Variants in INPP4B observed in about 807,000 individuals in gnomAD.
INPP4B encodes the protein inositol polyphosphate-4-phosphatase type II B, also known as inositol polyphosphate 4-phosphatase type II.
Under a neutral mutation model 122.5 loss-of-function variants are expected in INPP4B, and 55 were observed. The ratio of observed to expected loss-of-function variants is 0.45; its 90% CI spans 0.36 to 0.56. INPP4B has a LOEUF of 0.56. Ranked by LOEUF, INPP4B falls within the 20% of genes least tolerant of loss-of-function variation. The pLI is 0.00. For synonymous variants in INPP4B, 403 were observed against 388.7 expected (o/e 1.04, Z -0.43); for missense variants, 1,000 against 1,097.7 (o/e 0.91, Z 1.26).
At position 142,486,248 on chromosome 4, in the gene INPP4B, A is replaced by G. The variant is rs1351200920; in HGVS notation, c.-190-23522T>C. Among the ~76,000 whole-genome samples the G allele has an allele frequency of 4.6e-5, 7 of 152,302 alleles. No homozygotes were observed. In the South Asian group the frequency reaches 1.5e-3, roughly 32 times the overall value. ...AAGTGGTGTACCATTTTCTACTCCC[A>G]CTAGCAAAGTATAAGAATTCCATTT... On this transcript the variant is annotated intron_variant, in intron 2 of 25. Coordinates refer to ENST00000262992, the MANE Select transcript of INPP4B (RefSeq NM_001101669.3).
At chr4:142,220,724 G>T (rs1449859228) in intron 12 of INPP4B, among the ~76,000 whole-genome samples, 2 of 152,102 alleles carry the variant, frequency 1.3e-5, no homozygotes, top group African/African-American at 4.8e-5. Flanking sequence ...TATTTTCACA[G>T]AGTTCTAGGG....
chr4:142,643,747 T>G (rs1024823394), intron 2 of INPP4B, among the ~76,000 whole-genome samples: 2 of 152,006 alleles, frequency 1.3e-5, no homozygotes, highest in African/African-American at 2.4e-5. Context: ...TGGGCAGAGG[T>G]TTAAGTGAGG....
intron 2 of INPP4B, among the ~76,000 whole-genome samples, chr4:142,602,533 C>T (rs1164012546): frequency 6.6e-6 from 1 of 151,780 alleles, no homozygotes; most frequent in East Asian, 1.9e-4. Context: ...ACAAACAACC[C>T]CATTAAAAAG....
In INPP4B at chr4:142,719,020, A is replaced by G. The variant is rs542571024; in HGVS notation, c.-191+6819T>C. On this transcript the variant is annotated intron_variant, in intron 2 of 25. Transcript: ENST00000262992. ...TTACATTAATATTTTCCTTGGTACAATGTGCTTCAGGAAAGCAAATGTTTT... is the reference window on the plus strand; with the variant it reads ...TTACATTAATATTTTCCTTGGTACAGTGTGCTTCAGGAAAGCAAATGTTTT... Among the ~76,000 whole-genome samples the G allele has an allele frequency of 1.5e-4, 23 of 152,344 alleles. No homozygotes were observed. The East Asian group carries it at 4.1e-3, about 27-fold the overall frequency.
At chr4:142,177,746 C>G (rs1828991747) in intron 15 of INPP4B, among the ~76,000 whole-genome samples, 1 of 152,014 alleles carries the variant, frequency 6.6e-6, no homozygotes, top group Admixed American at 6.6e-5. Context: ...TTGTTACTAT[C>G]CATGTCATAT....
intron 23 of INPP4B, among the ~76,000 whole-genome samples, chr4:142,090,929 AG>A (rs1217678019): frequency 6.6e-6 from 1 of 152,190 alleles, no homozygotes; most frequent in Non-Finnish European, 1.5e-5. Flanking sequence ...TGAGCAAAAA[AG>A]CACAAATTAT....
intron 1 of INPP4B, among the ~76,000 whole-genome samples, chr4:142,797,262 T>G (rs547828363): frequency 9.2e-5 from 14 of 152,066 alleles, no homozygotes; most frequent in African/African-American, 3.4e-4. Flanking sequence ...TGAGCCAAAA[T>G]AGGCACCCAG....
At chr4:142,520,169 A>C (rs970573577) in intron 2 of INPP4B, among the ~76,000 whole-genome samples, 7 of 152,056 alleles carry the variant, frequency 4.6e-5, no homozygotes, top group Non-Finnish European at 1.0e-4. Flanking sequence ...CATGAATTAC[A>C]GCAAAATAAA....
At chr4:142,581,554 TATCTATTA>T (rs1735084188) in intron 2 of INPP4B, among the ~76,000 whole-genome samples, 1 of 17,396 alleles carries the variant, frequency 5.7e-5, no homozygotes, top group African/African-American at 1.4e-4. Flanking sequence ...GTTCCATTTC[TATCTATTA>T]GAAATAGATA....
intron 11 of INPP4B, among the ~76,000 whole-genome samples, chr4:142,253,299 C>T (rs147562906): frequency 2.6e-5 from 4 of 152,248 alleles, no homozygotes; most frequent in East Asian, 1.9e-4. Flanking sequence ...TATGCATAGG[C>T]TACAACATTT....
At chr4:142,671,146 C>T (rs1169359915) in intron 2 of INPP4B, among the ~76,000 whole-genome samples, 18 of 151,962 alleles carry the variant, frequency 1.2e-4, no homozygotes, top group East Asian at 1.9e-4. Flanking sequence ...AAGTTTTGGG[C>T]GGTTGCAGGC....
intron 25 of INPP4B, among the ~76,000 whole-genome samples, chr4:142,050,339 A>T (rs1018957391): frequency 6.6e-6 from 1 of 152,008 alleles, no homozygotes; most frequent in Non-Finnish European, 1.5e-5. Flanking sequence ...AACCAAAAGG[A>T]TGTCATTCTG....
At chr4:142,784,726 G>A (rs945718082) in intron 1 of INPP4B, among the ~76,000 whole-genome samples, 14 of 150,842 alleles carry the variant, frequency 9.3e-5, no homozygotes, top group African/African-American at 3.4e-4. Flanking sequence ...TGAGAAAAAT[G>A]TTTTTTTTTG....
chr4:142,086,378 T>C, intron 23 of INPP4B, 122 bp from the exon 24 acceptor site: 2 of 632,428 alleles, frequency 3.2e-6, no homozygotes, highest in South Asian at 1.9e-5. Context: ...AGGGTCTTGC[T>C]CTGCCTACCC....
chr4:142,649,233 C>T (rs1752432987), intron 2 of INPP4B, among the ~76,000 whole-genome samples: 1 of 152,156 alleles, frequency 6.6e-6, no homozygotes, highest in South Asian at 2.1e-4. Context: ...ACATCAAAGA[C>T]CAAAGGTAGA....
intron 3 of INPP4B, among the ~76,000 whole-genome samples, chr4:142,460,516 A>C (rs1816493420): frequency 6.6e-6 from 1 of 152,024 alleles, no homozygotes; most frequent in African/African-American, 2.4e-5. Flanking sequence ...ATGTTGGTCT[A>C]TTTTCTTTCT....
chr4:142,250,813 A>C lies in INPP4B; in HGVS notation c.688+9679T>G, dbSNP rs193198296. ...CAGGCTGACTGGACTACAGACATTT[A>C]GAAATATATTCAGAACTAAGTGGAC... On this transcript the variant is annotated intron_variant, in intron 11 of 25. Transcript: ENST00000262992. Among the ~76,000 whole-genome samples the C allele has an allele frequency of 9.2e-5, 14 of 152,322 alleles. No homozygotes were observed. In the East Asian group the frequency reaches 2.1e-3, roughly 23 times the overall value.
chr4:142,079,257 T>C (rs1479440042), intron 25 of INPP4B, among the ~76,000 whole-genome samples: 3 of 151,994 alleles, frequency 2.0e-5, no homozygotes, highest in African/African-American at 4.8e-5. Flanking sequence ...ATAGTGTACA[T>C]TATACCCAAC....
At chr4:142,800,158 T>C (rs1243106825) in intron 1 of INPP4B, among the ~76,000 whole-genome samples, 1 of 152,120 alleles carries the variant, frequency 6.6e-6, no homozygotes, top group Admixed American at 6.6e-5. Flanking sequence ...GAGTTCTTTG[T>C]TAGCACTTTG....
Sources: gnomAD v4.1 joint callset for allele counts (sites outside exome capture counted in the v4.1 genomes callset) on GRCh38, gnomAD v4.1.1 for gene constraint, MANE v1.5 for transcripts, NCBI Gene and HGNC (gene_info 2026-07-23, HGNC 2026-07-21) for gene names.